The following RAB11FIP4 variants were observed in gnomAD, a reference collection of about 807,000 sequenced individuals.
The protein encoded by RAB11FIP4 is RAB11 family interacting protein 4, also known as rab11 family-interacting protein 4.
Under a neutral mutation model 74.3 loss-of-function variants are expected in RAB11FIP4, and 23 were observed. That is an observed-to-expected ratio of 0.31 (90% CI 0.22 to 0.44). The LOEUF (loss-of-function observed/expected upper bound fraction) is 0.44, where lower values mean the gene tolerates loss of function less well. Among genes scored for constraint, RAB11FIP4 ranks in the 20% least tolerant of loss-of-function variants. The pLI is 1.00. For missense variants in RAB11FIP4, 630 were observed against 863.9 expected (o/e 0.73, Z 3.39); for synonymous variants, 360 against 359.9 (o/e 1.00, Z 0.00).
In RAB11FIP4 at chr17:31,523,557, C is replaced by T. The variant is rs1428187972; in HGVS notation, c.975C>T (p.Thr325=). 9 of 1,613,986 alleles carry T rather than the reference C, an allele frequency of 5.6e-6. No homozygotes were observed. Among genetic ancestry groups the T allele is most frequent in the Admixed American group, 1.7e-5 (1 of 60,008 alleles). The change falls in exon 8 of 15, where the codon ACC becomes ACT. Residue 325 remains threonine, a synonymous_variant. Coordinates refer to ENST00000621161, the MANE Select transcript of RAB11FIP4 (RefSeq NM_032932.6). The stretch of plus-strand genomic sequence containing the variant: ...ACTTCAGCAGCAGCAATGGCAGCAC[C>T]GAAGACCTGTTCCGGGACAGCATTG... ...SSNFSSSNGS[T]EDLFRDSIDS...
chr17:31,454,296 T>C (rs1297014552), intron 3 of RAB11FIP4, among the ~76,000 whole-genome samples: 1 of 152,154 alleles, frequency 6.6e-6, no homozygotes, highest in African/African-American at 2.4e-5. Flanking sequence ...CTTTTTGAGA[T>C]GGAGTCTCGT....
intron 3 of RAB11FIP4, among the ~76,000 whole-genome samples, chr17:31,492,936 G>A (rs369677114): frequency 2.7e-4 from 41 of 152,116 alleles, no homozygotes; most frequent in African/African-American, 8.9e-4. Context: ...TCACTTTTTC[G>A]CATGACCTGG....
At chr17:31,444,211 C>G (rs1352391824) in intron 3 of RAB11FIP4, among the ~76,000 whole-genome samples, 1 of 152,192 alleles carries the variant, frequency 6.6e-6, no homozygotes, top group Non-Finnish European at 1.5e-5. Flanking sequence ...ACAAACAGCA[C>G]TGTGATTCAC....
chr17:31,425,237 C>T (rs8071610), intron 1 of RAB11FIP4, among the ~76,000 whole-genome samples: 4 of 152,300 alleles, frequency 2.6e-5, no homozygotes, highest in East Asian at 1.9e-4. Context: ...ATGCATAGAG[C>T]GCTCAGAACA....
intron 3 of RAB11FIP4, among the ~76,000 whole-genome samples, chr17:31,443,079 G>T (rs2071421017): frequency 6.6e-6 from 1 of 152,158 alleles, no homozygotes; most frequent in African/African-American, 2.4e-5. Context: ...TTTGATACTG[G>T]TGTTGCTGAG....
chr17:31,430,502 C>T (rs550043970), intron 1 of RAB11FIP4, among the ~76,000 whole-genome samples: 3 of 151,222 alleles, frequency 2.0e-5, no homozygotes, highest in East Asian at 2.0e-4. Context: ...GGACTACAGG[C>T]GCCCGCCACG....
intron 3 of RAB11FIP4, among the ~76,000 whole-genome samples, chr17:31,458,316 G>A (rs965151293): frequency 2.0e-5 from 3 of 152,214 alleles, no homozygotes; most frequent in African/African-American, 2.4e-5. Flanking sequence ...TGGGAGCTGC[G>A]CATCAGGAGC....
chr17:31,398,546 C>T (rs2070953502), intron 1 of RAB11FIP4, among the ~76,000 whole-genome samples: 1 of 152,206 alleles, frequency 6.6e-6, no homozygotes, highest in East Asian at 1.9e-4. Context: ...AGAATCAGCC[C>T]TTCCCATCAG....
chr17:31,434,264 T>C (rs2071338439), intron 3 of RAB11FIP4, 142 bp downstream of exon 3: 1 of 701,688 alleles, frequency 1.4e-6, no homozygotes, highest in African/African-American at 1.8e-5. Flanking sequence ...AGAAATAGTT[T>C]TTGGAACAGG....
chr17:31,426,388 T>C (rs2071249814), intron 1 of RAB11FIP4, among the ~76,000 whole-genome samples: 1 of 152,120 alleles, frequency 6.6e-6, no homozygotes, highest in Non-Finnish European at 1.5e-5. Flanking sequence ...ACTATAATAA[T>C]AGCTACTGTT....
chr17:31,510,930 A>AG (rs2072440879), intron 3 of RAB11FIP4, among the ~76,000 whole-genome samples: 1 of 152,074 alleles, frequency 6.6e-6, no homozygotes, highest in African/African-American at 2.4e-5. Flanking sequence ...CTGAGCTGGG[A>AG]GGATCACTTG....
chr17:31,400,821 T>C (rs983344379), intron 1 of RAB11FIP4, among the ~76,000 whole-genome samples: 3 of 152,178 alleles, frequency 2.0e-5, no homozygotes, highest in Non-Finnish European at 4.4e-5. Context: ...CCAGTGGCGA[T>C]GGACAGGTCT....
At chr17:31,393,892 C>T (rs1308885415) in intron 1 of RAB11FIP4, among the ~76,000 whole-genome samples, 5 of 152,010 alleles carry the variant, frequency 3.3e-5, no homozygotes, top group Admixed American at 2.0e-4. Flanking sequence ...AAGCAGACCG[C>T]CCCCCGCCGC....
At chr17:31,403,411 C>CT (rs2071013432) in intron 1 of RAB11FIP4, among the ~76,000 whole-genome samples, 1 of 151,998 alleles carries the variant, frequency 6.6e-6, no homozygotes, top group Non-Finnish European at 1.5e-5. Flanking sequence ...CAACCTCTGC[C>CT]TCCCAGGTTC....
chr17:31,493,195 A>G (rs1268416939), intron 3 of RAB11FIP4, among the ~76,000 whole-genome samples: 2 of 152,348 alleles, frequency 1.3e-5, no homozygotes, highest in East Asian at 1.9e-4. Context: ...AACCTGCTTC[A>G]TCTTCCCAGA....
intron 3 of RAB11FIP4, among the ~76,000 whole-genome samples, chr17:31,506,731 T>G (rs936667150): frequency 9.2e-5 from 14 of 152,358 alleles, no homozygotes; most frequent in African/African-American, 2.9e-4. Context: ...TTTTTATGGC[T>G]GAATACTATT....
At chr17:31,482,921 G>A (rs1311232472) in intron 3 of RAB11FIP4, among the ~76,000 whole-genome samples, 1 of 152,078 alleles carries the variant, frequency 6.6e-6, no homozygotes, top group South Asian at 2.1e-4. Flanking sequence ...CTGGCCGGGG[G>A]CAGTGGCTCA....
intron 3 of RAB11FIP4, among the ~76,000 whole-genome samples, chr17:31,514,622 C>T (rs764074293): frequency 6.6e-6 from 1 of 152,222 alleles, no homozygotes; most frequent in Non-Finnish European, 1.5e-5. Context: ...AGCCACAGGG[C>T]GGGCATTCCC....
chr17:31,392,075 A>ACCCCCCCC, intron 1 of RAB11FIP4, 64 bp downstream of exon 1: 1 of 814,066 alleles, frequency 1.2e-6, no homozygotes, highest in Non-Finnish European at 1.4e-6. Flanking sequence ...CCCCTCCCCC[A>ACCCCCCCC]GCTCCCCCGC....
Sources: gnomAD v4.1 joint callset for allele counts (sites outside exome capture counted in the v4.1 genomes callset) on GRCh38, gnomAD v4.1.1 for gene constraint, MANE v1.5 for transcripts, NCBI Gene and HGNC (gene_info 2026-07-23, HGNC 2026-07-21) for gene names.